Variants in PCDHA1 observed in about 807,000 individuals in gnomAD.
PCDHA1 encodes the protein protocadherin alpha 1.
In PCDHA1, 42 loss-of-function variants were observed where a neutral mutation model predicts 61.3. The ratio of observed to expected loss-of-function variants is 0.69; its 90% CI spans 0.54 to 0.89. The LOEUF is 0.89. Ranked by LOEUF, PCDHA1 falls within the 40% of genes least tolerant of loss-of-function variation. PCDHA1 has a pLI of 0.00. For missense variants in PCDHA1, 1,256 were observed against 1,235.3 expected, an observed-to-expected ratio of 1.02 and a Z score of -0.25; for synonymous variants, 610 against 553.8, an observed-to-expected ratio of 1.10 and a Z score of -1.43.
At chr5:140,870,273 C>T in intron 1 of PCDHA1, 10 of 1,614,192 alleles carry the variant, frequency 6.2e-6, no homozygotes, top group Non-Finnish European at 8.5e-6. Flanking sequence ...CGCTGACGCC[C>T]CACGTTCCCT....
At chr5:140,924,898 AAAAAAAAT>A (rs781900915) in intron 1 of PCDHA1, among the ~76,000 whole-genome samples, 16 of 53,028 alleles carry the variant, frequency 3.0e-4, no homozygotes, top group Non-Finnish European at 6.0e-4. Context: ...CTGTCTCAAA[AAAAAAAAT>A]AAAATAAAAT....
intron 1 of PCDHA1, chr5:140,927,853 G>A: frequency 6.2e-7 from 1 of 1,614,214 alleles, no homozygotes. Flanking sequence ...CTTTGGTTTA[G>A]CTAGCACCGC....
At chr5:140,956,666 G>C (rs1232573740) in intron 1 of PCDHA1, among the ~76,000 whole-genome samples, 2 of 152,088 alleles carry the variant, frequency 1.3e-5, no homozygotes, top group African/African-American at 4.8e-5. Context: ...GGCCTTAAAG[G>C]AGTTAGGGAG....
chr5:140,923,529 A>C lies in PCDHA1; in HGVS notation c.2395-55420A>C, dbSNP rs915297152. Among the ~76,000 whole-genome samples the C allele has an allele frequency of 1.5e-4, 23 of 152,138 alleles. 1 individual carries two copies. The highest frequency in any genetic ancestry group is 1.2e-3 in the Admixed American group (19 of 15,268). On this transcript the variant is annotated intron_variant, in intron 1 of 3. Transcript: ENST00000504120. ...GGATGATGAAGTGAGATTCTGTCCC[A>C]AAAAAAGGACAAAATGAAATATCAG... is the stretch of plus-strand genomic sequence containing the variant.
intron 3 of PCDHA1, among the ~76,000 whole-genome samples, chr5:141,000,387 CTCTCTCTCTATATATATATA>C (rs1348939997): frequency 1.5e-5 from 1 of 66,898 alleles, no homozygotes; most frequent in Non-Finnish European, 2.8e-5. Context: ...CTCTCTCTCT[CTCTCTCTCTATATATATATA>C]TATATATATA....
intron 1 of PCDHA1, among the ~76,000 whole-genome samples, chr5:140,965,009 T>C (rs2153742434): frequency 6.6e-6 from 1 of 152,248 alleles, no homozygotes; most frequent in South Asian, 2.1e-4. Context: ...GGTGTCAGGA[T>C]CACAACCTTG....
chr5:140,923,498 C>T (rs1233893951), intron 1 of PCDHA1, among the ~76,000 whole-genome samples: 2 of 152,018 alleles, frequency 1.3e-5, no homozygotes, highest in African/African-American at 4.8e-5. Context: ...CACTGCACTC[C>T]AGCCTGGATG....
Position 140,788,120 on chromosome 5 carries a change from A to T in PCDHA1, c.1830A>T (p.Glu610Asp), listed in dbSNP as rs2149897200. Residue 610 changes from glutamate (E) to aspartate (D), a missense_variant, in exon 1 of 4, where the codon GAA becomes GAT. Glu to Asp is a conservative substitution (Grantham distance 45). Coordinates refer to ENST00000504120, the MANE Select transcript of PCDHA1 (RefSeq NM_018900.4). ...GCTACAACGCGTGGCTGTCCTATGA[A>T]CTGCAGCCGGCAGCAGGCGGCGCGC... ...DSGYNAWLSY[E>D]LQPAAGGARI... is the part of the protein sequence containing the mutation. 1 of 1,613,870 alleles carries T rather than the reference A, an allele frequency of 6.2e-7. No homozygotes were observed.
intron 1 of PCDHA1, chr5:140,882,678 A>G: frequency 6.2e-7 from 1 of 1,614,250 alleles, no homozygotes; most frequent in East Asian, 2.2e-5. Flanking sequence ...CCTGAAAGCA[A>G]GAAACGAATA....
At chr5:140,891,040 C>G (rs2062916193) in intron 1 of PCDHA1, among the ~76,000 whole-genome samples, 1 of 144,978 alleles carries the variant, frequency 6.9e-6, no homozygotes, top group Admixed American at 6.6e-5. Context: ...TTAGGTGTGA[C>G]CCCCACAGCA....
At chr5:140,850,747 C>T (rs2041801676) in intron 1 of PCDHA1, 3 of 1,597,716 alleles carry the variant, frequency 1.9e-6, no homozygotes, top group Non-Finnish European at 2.6e-6. Flanking sequence ...TGGTCGTACT[C>T]GCAGCAGAGG....
intron 1 of PCDHA1, chr5:140,967,393 G>A (rs1437861925): frequency 1.2e-6 from 2 of 1,609,910 alleles, no homozygotes; most frequent in African/African-American, 2.7e-5. Flanking sequence ...TGCTTGAGCT[G>A]GTGCTGCGTA....
chr5:140,951,220 C>G (rs1554219798), intron 1 of PCDHA1, among the ~76,000 whole-genome samples: 1 of 151,926 alleles, frequency 6.6e-6, no homozygotes, highest in Non-Finnish European at 1.5e-5. Context: ...GGTTTGGATT[C>G]TTGATGGTCT....
chr5:140,830,188 C>T, intron 1 of PCDHA1: 1 of 1,613,672 alleles, frequency 6.2e-7, no homozygotes, highest in South Asian at 1.1e-5. Flanking sequence ...TCAACGTGTA[C>T]CTGATCATCG....
At chr5:140,998,548 T>A (rs904925148) in intron 3 of PCDHA1, among the ~76,000 whole-genome samples, 7 of 149,880 alleles carry the variant, frequency 4.7e-5, no homozygotes, top group African/African-American at 1.7e-4. Context: ...CCTAATTTAA[T>A]GTCTAATTTA....
chr5:140,806,478 T>G (rs1323964629), intron 1 of PCDHA1, among the ~76,000 whole-genome samples: 1 of 152,222 alleles, frequency 6.6e-6, no homozygotes, highest in East Asian at 1.9e-4. Context: ...CCTTGCACTT[T>G]CAGCCCTGAC....
intron 3 of PCDHA1, among the ~76,000 whole-genome samples, chr5:140,999,978 G>A (rs980753359): frequency 5.9e-5 from 9 of 151,942 alleles, no homozygotes; most frequent in South Asian, 2.1e-4. Flanking sequence ...CAGCTCTAGC[G>A]GCCTCTGGGT....
chr5:140,967,633 T>G, intron 1 of PCDHA1: 2 of 1,614,106 alleles, frequency 1.2e-6, no homozygotes, highest in Non-Finnish European at 1.7e-6. Flanking sequence ...AGGGCTCCAA[T>G]GGTGAGCTCA....
rs2150134564 is a variant in PCDHA1, at chr5:140,824,459, A to C, written c.2394+35775A>C. 13 of 431,516 alleles carry C rather than the reference A, an allele frequency of 3.0e-5. No individual in the cohort carries two copies. The Middle Eastern group carries it at 1.8e-3, about 61-fold the overall frequency. The allele number at this position is 431,516 out of a possible 1,614,324, so 26.7% of individuals were successfully genotyped here. ...TCAGTTTATGACTACATGAAAATTT[A>C]TTTTATTTTATTGTTATTTTTTAGA... On this transcript the variant is annotated intron_variant, in intron 1 of 3. Transcript: ENST00000504120.
Sources: gnomAD v4.1 joint callset for allele counts (sites outside exome capture counted in the v4.1 genomes callset) on GRCh38, gnomAD v4.1.1 for gene constraint, MANE v1.5 for transcripts, NCBI Gene and HGNC (gene_info 2026-07-23, HGNC 2026-07-21) for gene names.